Variants in DUS4L observed in about 807,000 individuals in gnomAD.
DUS4L encodes the protein dihydrouridine synthase 4 like, also known as tRNA-dihydrouridine(20a/20b) synthase [NAD(P)+]-like.
In DUS4L, 31 loss-of-function variants were observed where a neutral mutation model predicts 33.8. The observed-to-expected ratio is 0.92, with a 90% CI of 0.69 to 1.24. The LOEUF (loss-of-function observed/expected upper bound fraction) is 1.24. Among genes scored for constraint, DUS4L ranks in the 50% most tolerant of loss-of-function variants. DUS4L has a pLI of 0.00. For synonymous variants in DUS4L, 103 were observed against 120.3 expected (o/e 0.86, Z 0.94); for missense variants, 368 against 388.6 (o/e 0.95, Z 0.45).
chr7:107,564,706 T>TA (rs1403516170), intron 2 of DUS4L, 30 bp downstream of exon 2: 1 of 152,260 alleles, frequency 6.6e-6, no homozygotes, highest in African/African-American at 2.4e-5. Context: ...TCTTTACTAA[T>TA]ACGTTCGCGT....
At chr7:107,573,967 T>C in intron 5 of DUS4L, 146 bp downstream of exon 5, 7 of 1,121,462 alleles carry the variant, frequency 6.2e-6, no homozygotes, top group African/African-American at 1.6e-5. Flanking sequence ...GAAGAAAATA[T>C]AGGGAAATGT....
In DUS4L at chr7:107,578,105, T is replaced by C. The variant is rs1186236445; in HGVS notation, c.*545T>C. ...ATTAAATTTGGTACATTTCAAAACT[T>C]CTAGGTCCTCCAAAGATTGAAAGCT... On this transcript the variant is annotated 3_prime_UTR_variant, in exon 8 of 8. Coordinates refer to ENST00000265720, the MANE Select transcript of DUS4L (RefSeq NM_181581.3). The C allele has an allele frequency of 1.3e-5, 2 of 152,198 alleles. No individual in the cohort carries two copies. The highest frequency in any genetic ancestry group is 1.5e-5 in the Non-Finnish European group (1 of 68,040). 9.4% of individuals were successfully genotyped at this position (152,198 alleles called of 1,614,324 possible).
chr7:107,575,227 C>G lies in DUS4L; in HGVS notation c.396C>G (p.Asn132Lys). 1 of 1,608,214 alleles carries G rather than the reference C, an allele frequency of 6.2e-7. No individual in the cohort carries two copies. The highest frequency in any genetic ancestry group is 8.5e-7 in the Non-Finnish European group (1 of 1,178,634). ...AAGGTTATGGGGCTTGCTTAATAAA[C>G]AAGCCAGAGCTTGTTCAAGACATGG... is the stretch of plus-strand genomic sequence containing the variant. ...MAEGYGACLI[N>K]KPELVQDMVK... Residue 132 changes from asparagine to lysine, a missense_variant, in exon 6 of 8, where the codon AAC becomes AAG. Asn to Lys is a moderately conservative substitution (Grantham distance 94). Coordinates refer to ENST00000265720, the MANE Select transcript of DUS4L (RefSeq NM_181581.3).
intron 3 of DUS4L, 85 bp downstream of exon 3, chr7:107,567,271 C>T: frequency 9.1e-7 from 1 of 1,101,686 alleles, no homozygotes; most frequent in Non-Finnish European, 1.3e-6. Context: ...AGACCACCCA[C>T]CATATGGGAA....
chr7:107,569,387 T>G (rs1804995993), intron 3 of DUS4L, among the ~76,000 whole-genome samples: 1 of 152,206 alleles, frequency 6.6e-6, no homozygotes, highest in Non-Finnish European at 1.5e-5. Context: ...CCCAATTTAT[T>G]TACTTTTTCA....
At chr7:107,575,034 T>C (rs984509982) in intron 5 of DUS4L, 154 bp from the exon 6 acceptor site, 1 of 928,220 alleles carries the variant, frequency 1.1e-6, no homozygotes, top group Non-Finnish European at 1.6e-6. Context: ...CTCATATTGA[T>C]CCACTTAGAA....
intron 2 of DUS4L, among the ~76,000 whole-genome samples, chr7:107,566,792 GAA>G (rs5886419): frequency 6.9e-6 from 1 of 145,974 alleles, no homozygotes; most frequent in Non-Finnish European, 1.5e-5. Flanking sequence ...GTAAACTAGG[GAA>G]AAAAAAAAAA....
Position 107,576,607 on chromosome 7 carries a change from C to T in DUS4L, c.706+15C>T, listed in dbSNP as rs763114847. The T allele has an allele frequency of 6.7e-7, 1 of 1,495,522 alleles. No individual in the cohort carries two copies. Among genetic ancestry groups the T allele is most frequent in the Non-Finnish European group, 8.8e-7 (1 of 1,134,438 alleles). The allele number at this position is 1,495,522 out of a possible 1,614,324, so 92.6% of individuals were successfully genotyped here. A position where few individuals can be genotyped will look rare whatever the true frequency, so the allele number is the denominator to read the frequency against. On this transcript the variant is annotated intron_variant, in intron 7 of 7. Coordinates refer to ENST00000265720, the MANE Select transcript of DUS4L (RefSeq NM_181581.3). The stretch of plus-strand genomic sequence containing the variant: ...TGGGACAGATGGTAAGAAATAAGTA[C>T]TTGGGTTCTTTTAATTGGGGGGGGA...
intron 7 of DUS4L, 34 bp downstream of exon 7, chr7:107,576,626 G>T (rs766404687): frequency 1.2e-5 from 18 of 1,530,094 alleles, no homozygotes; most frequent in African/African-American, 4.2e-5. Context: ...TTTTAATTGG[G>T]GGGGGAAGAA....
rs1584977908 is a variant in DUS4L, at chr7:107,564,119, C to T, written c.-201C>T. ...TCTGCGCCCAGCGCACCGAGGGAGC[C>T]AAGGCCGTCGGGCCGGCGCTTTCAG... is the stretch of plus-strand genomic sequence containing the variant. On this transcript the variant is annotated 5_prime_UTR_variant, in exon 1 of 8. Coordinates refer to ENST00000265720, the MANE Select transcript of DUS4L (RefSeq NM_181581.3). 7 of 1,056,140 alleles carry T rather than the reference C, an allele frequency of 6.6e-6. No individual in the cohort carries two copies. The East Asian group carries it at 1.8e-4, about 28-fold the overall frequency. The allele number at this position is 1,056,140 out of a possible 1,614,324, so 65.4% of individuals were successfully genotyped here.
intron 3 of DUS4L, among the ~76,000 whole-genome samples, chr7:107,569,637 A>G (rs1339431113): frequency 9.5e-6 from 1 of 104,724 alleles, no homozygotes; most frequent in East Asian, 2.7e-4. Context: ...TTTTCAGCAT[A>G]CAAGTTCTGC....
intron 4 of DUS4L, among the ~76,000 whole-genome samples, chr7:107,572,243 T>C (rs2129193873): frequency 6.6e-6 from 1 of 152,296 alleles, no homozygotes; most frequent in South Asian, 2.1e-4. Flanking sequence ...TAAATGGTTG[T>C]TAAATTGAAA....
chr7:107,573,906 C>A, intron 5 of DUS4L, 85 bp downstream of exon 5: 4 of 1,376,192 alleles, frequency 2.9e-6, no homozygotes, highest in South Asian at 4.1e-5. Context: ...TCTAGTTTTC[C>A]AAAAATTAAA....
chr7:107,565,269 G>C (rs141495507), intron 2 of DUS4L, among the ~76,000 whole-genome samples: 1 of 152,298 alleles, frequency 6.6e-6, no homozygotes, highest in African/African-American at 2.4e-5. Context: ...ATTCTAAAAG[G>C]AGTTAATAGG....
Position 107,563,996 on chromosome 7 carries a change from A to G in DUS4L, c.-324A>G, listed in dbSNP as rs536210903. ...GCCCGCCCACCCAGCCCATGGCTCC[A>G]GGCCCACCTGGCGAACTGACTCTCA... On this transcript the variant is annotated 5_prime_UTR_variant, in exon 1 of 8. Coordinates refer to ENST00000265720, the MANE Select transcript of DUS4L (RefSeq NM_181581.3). The G allele has an allele frequency of 6.4e-5, 80 of 1,248,322 alleles. No individual in the cohort carries two copies. The South Asian group carries it at 9.7e-4, about 15-fold the overall frequency. The allele number at this position is 1,248,322 out of a possible 1,614,324, so 77.3% of individuals were successfully genotyped here. A position where few individuals can be genotyped will look rare whatever the true frequency, so the allele number is the denominator to read the frequency against.
At position 107,573,814 on chromosome 7, in the gene DUS4L, C is replaced by A; in HGVS notation, c.349C>A (p.Pro117Thr). Residue 117 changes from proline (P) to threonine (T), a missense_variant, in exon 5 of 8, where the codon CCT becomes ACT. Transcript: ENST00000265720. ...ANGIDINCGC[P>T]QRWAMAEGYG... ...TGGAATAGACATTAACTGTGGTTGC[C>A]CTCAGAGGTAAAGCTCAAAGAAGTT... 1 of 1,536,520 alleles carries A rather than the reference C, an allele frequency of 6.5e-7. No individual in the cohort carries two copies. The highest frequency in any genetic ancestry group is 8.8e-7 in the Non-Finnish European group (1 of 1,140,402).
chr7:107,566,462 A>C (rs1804709810), intron 2 of DUS4L, among the ~76,000 whole-genome samples: 1 of 152,226 alleles, frequency 6.6e-6, no homozygotes, highest in South Asian at 2.1e-4. Context: ...TTACAATGCA[A>C]TTGTAGAATT....
chr7:107,567,189 A>C lies in DUS4L; in HGVS notation c.116+3A>C. On this transcript the variant is annotated splice_donor_region_variant and intron_variant, in intron 3 of 7. Coordinates refer to ENST00000265720, the MANE Select transcript of DUS4L (RefSeq NM_181581.3). ...GCCCCAATGGTTCGATATTCAAAGT[A>C]AGTGTTGCAAAATGATTAATGAACT... 1 of 1,610,124 alleles carries C rather than the reference A, an allele frequency of 6.2e-7. No homozygotes were observed. Among genetic ancestry groups the C allele is most frequent in the Non-Finnish European group, 8.5e-7 (1 of 1,177,632 alleles).
rs886061878 is a variant in DUS4L, at chr7:107,564,268, CAG to C, written c.-111+60_-111+61del. 7 of 521,952 alleles carry C rather than the reference CAG, an allele frequency of 1.3e-5. No homozygotes were observed. In the Admixed American group the frequency reaches 1.6e-4, roughly 12 times the overall value. The allele number at this position is 521,952 out of a possible 1,614,324, so 32.3% of individuals were successfully genotyped here. ...GTGAAGCAAGTATTAAACCTCAGAA[CAG>C]GGGCCGCGCGGCGTAAGGCAGGAGA... On this transcript the variant is annotated intron_variant, in intron 1 of 7. Transcript: ENST00000265720.
Sources: allele counts gnomAD v4.1 joint callset (sites outside exome capture counted in the v4.1 genomes callset), GRCh38; gene constraint gnomAD v4.1.1; transcripts MANE v1.5; gene names NCBI Gene and HGNC (gene_info 2026-07-23, HGNC 2026-07-21).